TAPBPL: variants seen among roughly 807,000 people sequenced by gnomAD.
The protein encoded by TAPBPL is tapasin-related protein.
A neutral mutation model predicts 44.8 loss-of-function variants in TAPBPL; 32 were observed. The observed-to-expected ratio is 0.71, with a 90% CI of 0.54 to 0.96. The LOEUF is 0.96. Among genes scored for constraint, TAPBPL ranks in the 40% least tolerant of loss-of-function variants. TAPBPL has a pLI of 0.00. For synonymous variants in TAPBPL, 230 were observed against 240.7 expected, an observed-to-expected ratio of 0.96 and a Z score of 0.41; for missense variants, 520 against 586.6, an observed-to-expected ratio of 0.89 and a Z score of 1.17.
chr12:6,468,919 A>T (rs921933282), downstream of TAPBPL, among the ~76,000 whole-genome samples: 2 of 152,246 alleles, frequency 1.3e-5, no homozygotes, highest in Non-Finnish European at 1.5e-5. Context: ...AACATACTTC[A>T]CAGGAGCAGT....
chr12:6,453,659 CT>C lies in TAPBPL; in HGVS notation c.509del (p.Leu170ProfsTer6). On this transcript the variant is annotated frameshift_variant, in exon 3 of 7. Transcript: ENST00000266556. LOFTEE classifies it high-confidence loss of function. The surrounding 1 kb of genome is among the most constrained non-coding windows in gnomAD (Gnocchi z 4.8). ...TCCCAGGGTCACCAAGAATGAGGCG[CT>C]CTGGCACCCGACGCTGAACTTGCCA... ...KTPRVTKNEALWHPTLNLPLS... is the reference protein window; with the variant it reads ...KTPRVTKNEAXWHPTLNLPLS... 6.2e-7 allele frequency: 1 copy of C among 1,613,560 alleles called. No individual in the cohort carries two copies.
At chr12:6,462,940 G>A (rs1949919189), downstream of TAPBPL, 1 of 1,556,494 alleles carries the variant, frequency 6.4e-7, no homozygotes, top group Non-Finnish European at 8.7e-7. Context: ...TGGGCATCCA[G>A]ACCCTGCCCA....
downstream of TAPBPL, chr12:6,462,790 G>C (rs1407270606): frequency 1.3e-6 from 2 of 1,579,594 alleles, no homozygotes; most frequent in Non-Finnish European, 1.7e-6. Context: ...AGACCTTCGA[G>C]GGGGGCCGTT....
chr12:6,470,700 C>A (rs1436894881), downstream of TAPBPL: 6 of 816,372 alleles, frequency 7.3e-6, no homozygotes, highest in Non-Finnish European at 1.2e-5. Flanking sequence ...CCGGCCTCCG[C>A]CTTTATTAGT....
At position 6,453,085 on chromosome 12, in the gene TAPBPL, G is replaced by A; in HGVS notation, c.83G>A (p.Gly28Glu). The A allele has an allele frequency of 6.4e-7, 1 of 1,572,992 alleles. No homozygotes were observed. The change falls in exon 2 of 7, where the codon GGG becomes GAG. Residue 28 changes from glycine (G) to glutamate (E), a missense_variant. By Grantham distance (98) the Gly-to-Glu change is moderately conservative. Coordinates refer to ENST00000266556, the MANE Select transcript of TAPBPL (RefSeq NM_018009.5). The surrounding 1 kb of genome is among the most constrained non-coding windows in gnomAD (Gnocchi z 4.8). ...AAETKPHPAE[G>E]QWRAVDVVLD... Reference sequence around the variant, plus strand: ...TCTGCAGAGCCCCACCCAGCAGAGGGGCAGTGGCGGGCAGTGGACGTGGTC... The same window carrying A: ...TCTGCAGAGCCCCACCCAGCAGAGGAGCAGTGGCGGGCAGTGGACGTGGTC...
chr12:6,464,553 A>T, downstream of TAPBPL: 1 of 1,465,632 alleles, frequency 6.8e-7, no homozygotes, highest in Non-Finnish European at 9.0e-7. Context: ...AAGAGGGTGA[A>T]TTACACCAAG....
At chr12:6,468,173 C>T (rs980275031), downstream of TAPBPL, among the ~76,000 whole-genome samples, 6 of 152,202 alleles carry the variant, frequency 3.9e-5, no homozygotes, top group Admixed American at 6.5e-5. Context: ...TAGCTTGCAC[C>T]GTGCGCCTGG....
At chr12:6,466,240 C>T (rs145088983), downstream of TAPBPL, 430 of 1,614,096 alleles carry the variant, frequency 2.7e-4, no homozygotes, top group Non-Finnish European at 3.4e-4. Context: ...CCACTTGTGC[C>T]TGGGTTTGCT....
downstream of TAPBPL, chr12:6,466,826 C>T (rs10849462): frequency 0.14 from 22,426 of 156,702 alleles, 2,075 homozygotes; most frequent in Non-Finnish European, 0.21. Context: ...GGCATTTCCC[C>T]GCTGATATGG....
chr12:6,460,073 C>A (rs114424073), intron 5 of TAPBPL, among the ~76,000 whole-genome samples: 2,777 of 151,826 alleles, frequency 0.018, 81 homozygotes, highest in African/African-American at 0.059. Flanking sequence ...CCCTGCCTGT[C>A]GAGAGGTTTT....
Position 6,458,650 on chromosome 12 carries a change from C to A in TAPBPL, c.910C>A (p.Pro304Thr). ...QIIQLNIQAS[P>T]KVRLSLANEA... ...ATTCCTCATTCTTTCTCCAGCTTCC[C>A]CTAAAGTACGACTGAGCTTGGCAAA... The change falls in exon 5 of 7, where the codon CCT (proline) becomes ACT (threonine). Residue 304 changes from proline to threonine, a missense_variant. Physicochemically the swap from Pro to Thr is conservative, Grantham distance 38. Coordinates refer to ENST00000266556, the MANE Select transcript of TAPBPL (RefSeq NM_018009.5). The A allele has an allele frequency of 6.2e-7, 1 of 1,612,888 alleles. No individual in the cohort carries two copies. The highest frequency in any genetic ancestry group is 1.1e-5 in the South Asian group (1 of 91,076).
chr12:6,463,073 T>C, downstream of TAPBPL: 1 of 1,534,764 alleles, frequency 6.5e-7, no homozygotes, highest in Non-Finnish European at 8.7e-7. This position sits in a 1 kb window ranked among gnomAD's most constrained non-coding sequence, Gnocchi z 4.0. Flanking sequence ...CCCACATTAA[T>C]AGCCCATCCT....
At chr12:6,458,472 C>G (rs954050956) in intron 4 of TAPBPL, among the ~76,000 whole-genome samples, 173 bp from the exon 5 acceptor site, 1 of 152,128 alleles carries the variant, frequency 6.6e-6, no homozygotes, top group Non-Finnish European at 1.5e-5. Context: ...AACCCTGCCC[C>G]CTTACGGCCT....
chr12:6,463,722 A>C, downstream of TAPBPL: 3 of 1,152,830 alleles, frequency 2.6e-6, no homozygotes, highest in Non-Finnish European at 3.2e-6. The surrounding 1 kb of genome is among the most constrained non-coding windows in gnomAD (Gnocchi z 4.0). Context: ...AATGCTGTAG[A>C]AAATGTAAAG....
At position 6,453,962 on chromosome 12, in the gene TAPBPL, C is replaced by A. The variant is rs1949635546; in HGVS notation, c.565+246C>A. On this transcript the variant is annotated intron_variant, in intron 3 of 6. Transcript: ENST00000266556. This position sits in a 1 kb window ranked among gnomAD's most constrained non-coding sequence, Gnocchi z 4.8. ...CCCGGAAGGCAGAGGTTGCGGTGAG[C>A]CGAGATCACACCATGGCACTTCAGC... Among the ~76,000 whole-genome samples, 1 of 150,382 alleles carries A rather than the reference C, an allele frequency of 6.6e-6. No homozygotes were observed. Among genetic ancestry groups the A allele is most frequent in the Non-Finnish European group, 1.5e-5 (1 of 67,398 alleles).
chr12:6,456,512 C>G (rs962825562), intron 3 of TAPBPL, among the ~76,000 whole-genome samples: 1 of 151,472 alleles, frequency 6.6e-6, no homozygotes. Flanking sequence ...TACAGGCATG[C>G]GCCACGACAC....
chr12:6,458,831 G>C lies in TAPBPL; in HGVS notation c.1091G>C (p.Ser364Thr). ...AGGCAAAGCGTGGCAGGCACCTACA[G>C]CATCTCCTCCTCTCTCACCGCAGAA... ...SLRQSVAGTY[S>T]ISSSLTAEPG... is the part of the protein sequence containing the mutation. Residue 364 changes from serine (S) to threonine (T), a missense_variant, in exon 5 of 7, where the codon AGC (serine) becomes ACC (threonine). Physicochemically the swap from Ser to Thr is moderately conservative, Grantham distance 58 (BLOSUM62 1). Coordinates refer to ENST00000266556, the MANE Select transcript of TAPBPL (RefSeq NM_018009.5). The C allele has an allele frequency of 6.2e-7, 1 of 1,614,152 alleles. No homozygotes were observed. The highest frequency in any genetic ancestry group is 1.1e-5 in the South Asian group (1 of 91,080).
intron 6 of TAPBPL, among the ~76,000 whole-genome samples, chr12:6,461,666 C>A (rs561064360): frequency 6.6e-6 from 1 of 152,348 alleles, no homozygotes; most frequent in African/African-American, 2.4e-5. Context: ...GGCTCCATCT[C>A]AGTTGCACCT....
downstream of TAPBPL, among the ~76,000 whole-genome samples, chr12:6,469,810 CTG>C (rs778521186): frequency 6.6e-6 from 1 of 152,170 alleles, no homozygotes; most frequent in South Asian, 2.1e-4. Context: ...GGAGACTAAA[CTG>C]TGTGTGTTGG....
Sources: allele counts gnomAD v4.1 joint callset (sites outside exome capture counted in the v4.1 genomes callset), GRCh38; gene constraint gnomAD v4.1.1; non-coding constraint Gnocchi (gnomAD v3.1); transcripts MANE v1.5; gene names NCBI Gene and HGNC (gene_info 2026-07-23, HGNC 2026-07-21).